Variants in NDUFA3 observed in about 807,000 individuals in gnomAD.
The protein encoded by NDUFA3 is NADH:ubiquinone oxidoreductase subunit A3.
Under a neutral mutation model 11.4 loss-of-function variants are expected in NDUFA3, and 10 were observed. The ratio of observed to expected loss-of-function variants is 0.87; its 90% CI spans 0.54 to 1.48. The LOEUF (loss-of-function observed/expected upper bound fraction) is 1.48, where lower values mean the gene tolerates loss of function less well. Among genes scored for constraint, NDUFA3 ranks in the 40% most tolerant of loss-of-function variants. NDUFA3 has a pLI of 0.00. For synonymous variants in NDUFA3, 39 were observed against 46.9 expected, an observed-to-expected ratio of 0.83 and a Z score of 0.68; for missense variants, 115 against 110.5, an observed-to-expected ratio of 1.04 and a Z score of -0.18.
rs2073127373 is a variant in NDUFA3, at chr19:54,102,867, G to C, written c.-12G>C. On this transcript the variant is annotated 5_prime_UTR_variant, in exon 1 of 4. Coordinates refer to ENST00000485876, the MANE Select transcript of NDUFA3 (RefSeq NM_004542.4). Reference sequence around the variant, plus strand: ...CCGCGTCCTCGCCGCTGTCGCCGCCGCGGAGACAAAGATGGCTGCGAGTAA... The same window carrying C: ...CCGCGTCCTCGCCGCTGTCGCCGCCCCGGAGACAAAGATGGCTGCGAGTAA... 1 of 1,609,296 alleles carries C rather than the reference G, an allele frequency of 6.2e-7. No homozygotes were observed. Among genetic ancestry groups the C allele is most frequent in the Non-Finnish European group, 8.5e-7 (1 of 1,177,536 alleles).
Position 54,103,346 on chromosome 19 carries a change from C to T in NDUFA3, c.85+158C>T, listed in dbSNP as rs587684595. Among the ~76,000 whole-genome samples the T allele has an allele frequency of 1.1e-4, 17 of 152,140 alleles. 1 individual carries two copies. The highest frequency in any genetic ancestry group is 3.6e-4 in the African/African-American group (15 of 41,496). On this transcript the variant is annotated intron_variant, in intron 2 of 3. Transcript: ENST00000485876. ...TTATCTATCCCCATACCCATTATAACCTCTCCACCATCGCCCCCCGCGTTC... is the reference window on the plus strand; with the variant it reads ...TTATCTATCCCCATACCCATTATAATCTCTCCACCATCGCCCCCCGCGTTC...
intron 2 of NDUFA3, among the ~76,000 whole-genome samples, chr19:54,105,063 A>G (rs2073213032): frequency 6.6e-6 from 1 of 151,978 alleles, no homozygotes; most frequent in Admixed American, 6.6e-5. Context: ...AATTTGTTTC[A>G]TCTGTATCTC....
rs1459913768 is a variant in NDUFA3, at chr19:54,107,440, G to C, written c.*538G>C. ...TGTTTTTTCTTTTTGGTAGAGATGG[G>C]GTCTCAGTATGTTGCTCAGGCAGGT... On this transcript the variant is annotated 3_prime_UTR_variant, in exon 4 of 4. Transcript: ENST00000485876. The C allele has an allele frequency of 2.1e-6, 1 of 467,974 alleles. No homozygotes were observed. Among genetic ancestry groups the C allele is most frequent in the Admixed American group, 3.7e-5 (1 of 26,974 alleles). 29.0% of individuals were successfully genotyped at this position (467,974 alleles called of 1,614,324 possible). A position where few individuals can be genotyped will look rare whatever the true frequency, so the allele number is the denominator to read the frequency against.
Position 54,107,216 on chromosome 19 carries a change from A to G in NDUFA3, c.*314A>G, listed in dbSNP as rs187099874. ...GTGTTAACAGGCCTGGGAATCTAGA[A>G]AATCCCATCAGCTTCACCATTTTTG... is the stretch of plus-strand genomic sequence containing the variant. On this transcript the variant is annotated 3_prime_UTR_variant, in exon 4 of 4. Coordinates refer to ENST00000485876, the MANE Select transcript of NDUFA3 (RefSeq NM_004542.4). 2.6e-5 allele frequency: 41 copies of G among 1,582,546 alleles called. No homozygotes were observed. The African/African-American group carries it at 5.6e-4, about 22-fold the overall frequency.
Position 54,106,963 on chromosome 19 carries a change from C to A in NDUFA3, c.*61C>A, listed in dbSNP as rs587740445. ...TCCCAATAAAAATGTGAAAACCAAC[C>A]CCCGAACGTGAGCATGTGTGTGATC... On this transcript the variant is annotated 3_prime_UTR_variant, in exon 4 of 4. Coordinates refer to ENST00000485876, the MANE Select transcript of NDUFA3 (RefSeq NM_004542.4). 1 of 1,600,910 alleles carries A rather than the reference C, an allele frequency of 6.2e-7. No individual in the cohort carries two copies. Among genetic ancestry groups the A allele is most frequent in the Admixed American group, 1.7e-5 (1 of 58,030 alleles).
chr19:54,106,404 T>G, intron 3 of NDUFA3: 5 of 327,514 alleles, frequency 1.5e-5, no homozygotes, highest in South Asian at 1.1e-4. Flanking sequence ...CTCCTGACCT[T>G]GTGATCCACT....
chr19:54,105,495 C>G, intron 2 of NDUFA3: 1 of 315,250 alleles, frequency 3.2e-6, no homozygotes, highest in Admixed American at 4.1e-5. Context: ...TCGCGAACTC[C>G]TGACCTCAGG....
chr19:54,103,349 C>T (rs1293812595), intron 2 of NDUFA3, among the ~76,000 whole-genome samples, 161 bp downstream of exon 2: 4 of 152,072 alleles, frequency 2.6e-5, no homozygotes, highest in Admixed American at 1.3e-4. Context: ...ATTATAACCT[C>T]TCCACCATCG....
chr19:54,106,600 T>C (rs750034343), intron 3 of NDUFA3: 101 of 493,372 alleles, frequency 2.0e-4, no homozygotes, highest in Non-Finnish European at 3.1e-4. Context: ...AGCTCTCTAG[T>C]GCGCGGGATC....
rs254259 is a variant in NDUFA3, at chr19:54,103,097, T to C, written c.11-17T>C. On this transcript the variant is annotated splice_polypyrimidine_tract_variant and intron_variant, in intron 1 of 3. Transcript: ENST00000485876. The stretch of plus-strand genomic sequence containing the variant: ...GGCAGCTACTTGCAGGGGTGACGCT[T>C]CTTGCCACCCCTTCAGGAGTCGGCG... 900,646 of 1,608,196 alleles carry C rather than the reference T, an allele frequency of 0.56. 254,784 individuals are homozygous for C. The highest frequency in any genetic ancestry group is 0.6 in the African/African-American group (45,135 of 74,750).
chr19:54,103,207 C>T lies in NDUFA3; in HGVS notation c.85+19C>T. On this transcript the variant is annotated intron_variant, in intron 2 of 3. Coordinates refer to ENST00000485876, the MANE Select transcript of NDUFA3 (RefSeq NM_004542.4). ...GGCCTCGGTGCGTGAGTGCTCCAGGCGCAAACTTGCATCGTCCACCCCCGT... is the reference window on the plus strand; with the variant it reads ...GGCCTCGGTGCGTGAGTGCTCCAGGTGCAAACTTGCATCGTCCACCCCCGT... 6.3e-7 allele frequency: 1 copy of T among 1,578,652 alleles called. No homozygotes were observed. Among genetic ancestry groups the T allele is most frequent in the African/African-American group, 1.3e-5 (1 of 74,232 alleles).
intron 1 of NDUFA3, 55 bp downstream of exon 1, chr19:54,102,943 G>A: frequency 6.3e-7 from 1 of 1,597,616 alleles, no homozygotes; most frequent in East Asian, 2.3e-5. Flanking sequence ...GAACCTCTGG[G>A]CGGTCCTGGG....
intron 2 of NDUFA3, among the ~76,000 whole-genome samples, 171 bp downstream of exon 2, chr19:54,103,359 G>T (rs925195886): frequency 2.6e-5 from 4 of 151,096 alleles, no homozygotes. Flanking sequence ...CTCCACCATC[G>T]CCCCCCGCGT....
intron 2 of NDUFA3, among the ~76,000 whole-genome samples, chr19:54,105,133 C>CA (rs1414687498): frequency 6.6e-6 from 1 of 152,128 alleles, no homozygotes; most frequent in African/African-American, 2.4e-5. Flanking sequence ...TACCATCTGT[C>CA]AGACAGCACT....
chr19:54,104,052 C>T (rs1277320855), intron 2 of NDUFA3, among the ~76,000 whole-genome samples: 1 of 150,928 alleles, frequency 6.6e-6, no homozygotes, highest in Non-Finnish European at 1.5e-5. Context: ...CCAGGATGGT[C>T]TCGATCTCCT....
Position 54,106,973 on chromosome 19 carries a change from G to A in NDUFA3, c.*71G>A. Reference sequence around the variant, plus strand: ...AATGTGAAAACCAACCCCCGAACGTGAGCATGTGTGTGATCAGAGGTGGGA... The same window carrying A: ...AATGTGAAAACCAACCCCCGAACGTAAGCATGTGTGTGATCAGAGGTGGGA... On this transcript the variant is annotated 3_prime_UTR_variant, in exon 4 of 4. Coordinates refer to ENST00000485876, the MANE Select transcript of NDUFA3 (RefSeq NM_004542.4). The A allele has an allele frequency of 1.2e-6, 2 of 1,601,534 alleles. No homozygotes were observed. Among genetic ancestry groups the A allele is most frequent in the Non-Finnish European group, 1.7e-6 (2 of 1,172,312 alleles).
chr19:54,107,161 A>G lies in NDUFA3; in HGVS notation c.*259A>G. On this transcript the variant is annotated 3_prime_UTR_variant, in exon 4 of 4. Transcript: ENST00000485876. ...CTGCTTCAAAGCCAAAGTCTTCCTCAACCTTAATCTGCAGGAGATAAGGAA... is the reference window on the plus strand; with the variant it reads ...CTGCTTCAAAGCCAAAGTCTTCCTCGACCTTAATCTGCAGGAGATAAGGAA... 6.2e-7 allele frequency: 1 copy of G among 1,613,394 alleles called. No homozygotes were observed. The highest frequency in any genetic ancestry group is 8.5e-7 in the Non-Finnish European group (1 of 1,179,818).
chr19:54,103,068 CG>C (rs1341957845), intron 1 of NDUFA3, 45 bp from the exon 2 acceptor site: 8 of 1,596,444 alleles, frequency 5.0e-6, no homozygotes, highest in East Asian at 4.5e-5. Context: ...TAGAGGTCAC[CG>C]GGGGCAGCTA....
chr19:54,105,273 T>A (rs1480206016), intron 2 of NDUFA3, among the ~76,000 whole-genome samples: 2 of 134,122 alleles, frequency 1.5e-5, no homozygotes, highest in African/African-American at 5.6e-5. Flanking sequence ...GCTTTTTTTT[T>A]TTTTTTTTTT....
Sources: gnomAD v4.1 joint callset for allele counts (sites outside exome capture counted in the v4.1 genomes callset) on GRCh38, gnomAD v4.1.1 for gene constraint, MANE v1.5 for transcripts, NCBI Gene and HGNC (gene_info 2026-07-23, HGNC 2026-07-21) for gene names.